SFXN4: variants seen among roughly 807,000 people sequenced by gnomAD.
SFXN4 encodes the protein sideroflexin-4.
Under a neutral mutation model 54.6 loss-of-function variants are expected in SFXN4, and 48 were observed. The ratio of observed to expected loss-of-function variants is 0.88; its 90% CI spans 0.70 to 1.12. SFXN4 has a LOEUF of 1.12. Among genes scored for constraint, SFXN4 ranks in the 50% most tolerant of loss-of-function variants. SFXN4 has a pLI of 0.00. For missense variants in SFXN4, 383 were observed against 409.2 expected, an observed-to-expected ratio of 0.94 and a Z score of 0.55; for synonymous variants, 130 against 145.5, an observed-to-expected ratio of 0.89 and a Z score of 0.77.
intron 13 of SFXN4, among the ~76,000 whole-genome samples, chr10:119,145,748 T>C (rs182775849): frequency 3.9e-5 from 6 of 152,306 alleles, no homozygotes; most frequent in African/African-American, 1.4e-4. Flanking sequence ...ATGGTTAAGT[T>C]TTCAGGGAGT....
At chr10:119,151,532 T>C (rs542122383) in intron 11 of SFXN4, among the ~76,000 whole-genome samples, 2 of 151,978 alleles carry the variant, frequency 1.3e-5, no homozygotes, top group African/African-American at 4.8e-5. Flanking sequence ...TTATTATTTT[T>C]TGAGACAGAG....
In SFXN4 at chr10:119,164,199, T is replaced by C; in HGVS notation, c.112-3A>G. The stretch of plus-strand genomic sequence containing the variant: ...TGAAGAAATCGTCGAATAAAGGACT[T>C]AGGAGGGAGAAAAGCAACAGAGAGG... On this transcript the variant is annotated splice_polypyrimidine_tract_variant and splice_region_variant and intron_variant, in intron 1 of 13. Coordinates refer to ENST00000355697, the MANE Select transcript of SFXN4 (RefSeq NM_213649.2). 6.4e-7 allele frequency: 1 copy of C among 1,571,900 alleles called. No individual in the cohort carries two copies. The highest frequency in any genetic ancestry group is 8.7e-7 in the Non-Finnish European group (1 of 1,151,274).
At chr10:119,159,199 G>C (rs966767819) in intron 6 of SFXN4, among the ~76,000 whole-genome samples, 3 of 151,916 alleles carry the variant, frequency 2.0e-5, no homozygotes, top group African/African-American at 7.3e-5. Flanking sequence ...AGAATTGCTT[G>C]AACGAGGGAG....
intron 13 of SFXN4, among the ~76,000 whole-genome samples, 188 bp from the exon 14 acceptor site, chr10:119,141,507 C>CTTTTTTT (rs1234472904): frequency 1.8e-5 from 2 of 113,356 alleles, no homozygotes; most frequent in Non-Finnish European, 1.8e-5. Context: ...ACTTCTTAAA[C>CTTTTTTT]TTTTTTTTTT....
intron 13 of SFXN4, among the ~76,000 whole-genome samples, chr10:119,145,886 A>C (rs943635033): frequency 1.3e-5 from 2 of 152,092 alleles, no homozygotes; most frequent in Admixed American, 1.3e-4. Context: ...GCAGTGGTGC[A>C]ATCATGGCTC....
rs11198806 is a variant in SFXN4, at chr10:119,156,920, C to T, written c.538-164G>A. Among the ~76,000 whole-genome samples, 6,124 of 152,180 alleles carry T rather than the reference C, an allele frequency of 0.04. 188 individuals carry two copies. Among genetic ancestry groups the T allele is most frequent in the Non-Finnish European group, 0.063 (4,302 of 68,024 alleles). ...TTCCTGCAACGTGGAGGTCCTCTCCCTGTTCATCTAAGGAGTCAACAGGGG... is the reference window on the plus strand; with the variant it reads ...TTCCTGCAACGTGGAGGTCCTCTCCTTGTTCATCTAAGGAGTCAACAGGGG... On this transcript the variant is annotated intron_variant, in intron 9 of 13. Transcript: ENST00000355697.
At chr10:119,164,017 G>C in intron 2 of SFXN4, 114 bp downstream of exon 2, 1 of 695,376 alleles carries the variant, frequency 1.4e-6, no homozygotes, top group South Asian at 1.7e-5. Context: ...TCCATCCTGG[G>C]CAAGAAGAAC....
In SFXN4 at chr10:119,156,653, G is replaced by A. The variant is rs755117750; in HGVS notation, c.616+25C>T. The A allele has an allele frequency of 2.5e-6, 4 of 1,576,206 alleles. No homozygotes were observed. The East Asian group carries it at 9.0e-5, about 36-fold the overall frequency. On this transcript the variant is annotated intron_variant, in intron 10 of 13. Coordinates refer to ENST00000355697, the MANE Select transcript of SFXN4 (RefSeq NM_213649.2). ...ACCACAAAGACACCCCACCCAGACT[G>A]CAGCCTCCAGCCCTTCCTGCTCACC...
chr10:119,149,741 C>T (rs1236530122), intron 11 of SFXN4, among the ~76,000 whole-genome samples: 2 of 152,140 alleles, frequency 1.3e-5, no homozygotes, highest in Non-Finnish European at 2.9e-5. Flanking sequence ...CAGAGCGAGA[C>T]TCAGTCTCTA....
At chr10:119,149,936 T>C (rs1236773347) in intron 11 of SFXN4, among the ~76,000 whole-genome samples, 1 of 152,146 alleles carries the variant, frequency 6.6e-6, no homozygotes. Flanking sequence ...AGGCGCTGTG[T>C]GCAAAGCAGT....
At chr10:119,151,405 C>T in intron 11 of SFXN4, among the ~76,000 whole-genome samples, 1 of 110,118 alleles carries the variant, frequency 9.1e-6, no homozygotes, top group Non-Finnish European at 1.8e-5. Context: ...CAGATCAGTG[C>T]CTCCCTAGGG....
intron 9 of SFXN4, among the ~76,000 whole-genome samples, chr10:119,157,231 T>C (rs1051807083): frequency 7.2e-5 from 11 of 151,940 alleles, no homozygotes; most frequent in African/African-American, 1.9e-4. Context: ...GAGTTTGAGA[T>C]CAACCTGGCC....
At position 119,157,928 on chromosome 10, in the gene SFXN4, C is replaced by G. The variant is rs746226746; in HGVS notation, c.415-1G>C. 1.9e-6 allele frequency: 3 copies of G among 1,614,212 alleles called. No homozygotes were observed. Among genetic ancestry groups the G allele is most frequent in the Non-Finnish European group, 2.5e-6 (3 of 1,180,032 alleles). ...CTGCCATGTAGGCACAGAGGAAAAC[C>G]TGCCGAGAGGGGCAAATGGATCGCA... On this transcript the variant is annotated splice_acceptor_variant, in intron 7 of 13. Transcript: ENST00000355697. LOFTEE classifies it high-confidence loss of function.
intron 12 of SFXN4, 44 bp from the exon 13 acceptor site, chr10:119,146,397 A>C: frequency 8.2e-7 from 1 of 1,221,378 alleles, no homozygotes; most frequent in South Asian, 1.2e-5. Context: ...TTAAACTATC[A>C]GGGCTTATTT....
intron 11 of SFXN4, among the ~76,000 whole-genome samples, chr10:119,153,775 G>A (rs187241005): frequency 1.9e-3 from 288 of 152,234 alleles, no homozygotes; most frequent in Non-Finnish European, 2.8e-3. Flanking sequence ...TCAGCCTCAC[G>A]GGTCACCATG....
intron 11 of SFXN4, among the ~76,000 whole-genome samples, chr10:119,149,917 G>A (rs747001687): frequency 5.9e-5 from 9 of 152,176 alleles, no homozygotes; most frequent in Admixed American, 1.3e-4. Context: ...GTGAGACGCC[G>A]TCATTAGGAG....
chr10:119,144,561 T>TAA (rs58101886), intron 13 of SFXN4, among the ~76,000 whole-genome samples: 2 of 147,510 alleles, frequency 1.4e-5, no homozygotes, highest in African/African-American at 2.5e-5. Context: ...CTTTCTGACT[T>TAA]AAAAAAAAAA....
intron 11 of SFXN4, among the ~76,000 whole-genome samples, chr10:119,151,012 A>G: frequency 6.6e-6 from 1 of 152,216 alleles, no homozygotes; most frequent in South Asian, 2.1e-4. Flanking sequence ...GCAAGACACA[A>G]AAAACTACAG....
chr10:119,140,899 C>T lies in SFXN4; in HGVS notation c.*343G>A, dbSNP rs186202669. 1.9e-3 allele frequency: 390 copies of T among 207,956 alleles called. 3 individuals carry two copies. The highest frequency in any genetic ancestry group is 8.6e-3 in the African/African-American group (370 of 43,028). 12.9% of individuals were successfully genotyped at this position (207,956 alleles called of 1,614,324 possible). ...CCATTTAACACCTGTGTCCTGGGCACGGTGGACTCTGTGTTCTTTCTTCAA... is the reference window on the plus strand; with the variant it reads ...CCATTTAACACCTGTGTCCTGGGCATGGTGGACTCTGTGTTCTTTCTTCAA... On this transcript the variant is annotated 3_prime_UTR_variant, in exon 14 of 14. Transcript: ENST00000355697.
Sources: gnomAD v4.1 joint callset for allele counts (sites outside exome capture counted in the v4.1 genomes callset) on GRCh38, gnomAD v4.1.1 for gene constraint, MANE v1.5 for transcripts, NCBI Gene and HGNC (gene_info 2026-07-23, HGNC 2026-07-21) for gene names.